The following SCN11A variants were observed in gnomAD, a reference collection of about 807,000 sequenced individuals.
SCN11A encodes the protein sodium voltage-gated channel alpha subunit 11, also known as sodium channel protein type 11 subunit alpha.
SCN11A carries 122 observed loss-of-function variants against 162.2 expected under a neutral mutation model. The observed-to-expected ratio is 0.75, with a 90% confidence interval of 0.65 to 0.87. The LOEUF is 0.87. Ranked by LOEUF, SCN11A falls within the 40% of genes least tolerant of loss-of-function variation. The pLI is 0.00. For synonymous variants in SCN11A, 758 were observed against 751.5 expected, an observed-to-expected ratio of 1.01 and a Z score of -0.14; for missense variants, 2,015 against 2,181.6, an observed-to-expected ratio of 0.92 and a Z score of 1.52.
intron 3 of SCN11A, among the ~76,000 whole-genome samples, chr3:38,958,275 G>A (rs2066706170): frequency 6.8e-6 from 1 of 145,986 alleles, no homozygotes; most frequent in Non-Finnish European, 1.5e-5. Context: ...GGAGAGTGAG[G>A]GCAGGGATTT....
At chr3:38,874,427 G>A (rs1412801315) in intron 23 of SCN11A, among the ~76,000 whole-genome samples, 2 of 152,078 alleles carry the variant, frequency 1.3e-5, no homozygotes, top group Non-Finnish European at 2.9e-5. Context: ...GTAAAACCCT[G>A]TCTCCATAAA....
chr3:39,018,787 C>T (rs1395865784), intron 2 of SCN11A, among the ~76,000 whole-genome samples: 1 of 152,116 alleles, frequency 6.6e-6, no homozygotes, highest in Admixed American at 6.6e-5. Flanking sequence ...CACTGCACTC[C>T]AGCCTGGGTG....
At chr3:38,853,539 G>C (rs1378366755) in intron 28 of SCN11A, among the ~76,000 whole-genome samples, 2 of 152,040 alleles carry the variant, frequency 1.3e-5, no homozygotes, top group African/African-American at 4.8e-5. Context: ...GACTTTTTTA[G>C]TGCATCAAAA....
intron 2 of SCN11A, among the ~76,000 whole-genome samples, chr3:39,017,880 C>G (rs2031340889): frequency 6.6e-6 from 1 of 152,208 alleles, no homozygotes; most frequent in East Asian, 1.9e-4. Context: ...CCTTTGCATG[C>G]CTGGCAATTT....
intron 2 of SCN11A, among the ~76,000 whole-genome samples, chr3:39,018,519 T>TA (rs1243664642): frequency 6.6e-6 from 1 of 152,146 alleles, no homozygotes; most frequent in East Asian, 1.9e-4. Flanking sequence ...TGAGTGTCTT[T>TA]AAAAAATCAT....
Position 38,850,587 on chromosome 3 carries a change from G to A in SCN11A, c.4221C>T (p.Val1407=), listed in dbSNP as rs759734942. The A allele has an allele frequency of 2.5e-6, 4 of 1,613,838 alleles. No homozygotes were observed. Among genetic ancestry groups the A allele is most frequent in the South Asian group, 2.2e-5 (2 of 91,038 alleles). Reference sequence around the variant, plus strand: ...TGATGAGACATTCTAACGTAAAGATGACCACAAAGACCCAGTTGAGATGGT... The same window carrying A: ...TGATGAGACATTCTAACGTAAAGATAACCACAAAGACCCAGTTGAGATGGT... ...ILDHLNWVFV[V]IFTLECLIKI... is the part of the protein sequence containing the mutation. Residue 1407 remains valine (V), a synonymous_variant, in exon 29 of 30, where the codon GTC becomes GTT. Transcript: ENST00000302328.
At chr3:38,970,306 T>C (rs2066809217) in intron 2 of SCN11A, among the ~76,000 whole-genome samples, 1 of 152,166 alleles carries the variant, frequency 6.6e-6, no homozygotes, top group Non-Finnish European at 1.5e-5. Context: ...CCCCCTGTAA[T>C]TTTTTGCATG....
intron 2 of SCN11A, among the ~76,000 whole-genome samples, chr3:38,961,137 C>T (rs756887957): frequency 1.3e-5 from 2 of 152,086 alleles, no homozygotes; most frequent in South Asian, 2.1e-4. Context: ...TAGGTGCTTA[C>T]GGGAGTGCAG....
At chr3:38,950,507 A>G in intron 4 of SCN11A, 138 bp from the exon 5 acceptor site, 1 of 813,376 alleles carries the variant, frequency 1.2e-6, no homozygotes, top group Non-Finnish European at 1.9e-6. Context: ...GGGCCTTGGG[A>G]GCTGATTGGC....
At chr3:38,943,653 T>C (rs2066473005) in intron 7 of SCN11A, among the ~76,000 whole-genome samples, 1 of 152,026 alleles carries the variant, frequency 6.6e-6, no homozygotes, top group African/African-American at 2.4e-5. Context: ...AGAAAAGAAA[T>C]AAAAATGATA....
chr3:39,033,181 A>G (rs952877049), intron 1 of SCN11A, among the ~76,000 whole-genome samples: 3 of 151,028 alleles, frequency 2.0e-5, no homozygotes, highest in Non-Finnish European at 4.4e-5. Context: ...GAGAGAGAGA[A>G]AACTTAATTA....
intron 17 of SCN11A, 78 bp from the exon 18 acceptor site, chr3:38,897,303 A>G (rs897174665): frequency 1.4e-6 from 2 of 1,418,744 alleles, no homozygotes; most frequent in Non-Finnish European, 1.9e-6. Flanking sequence ...TATAAAGCAA[A>G]TGACATATAC....
Position 38,950,263 on chromosome 3 carries a change from G to C in SCN11A, c.100C>G (p.Gln34Glu), listed in dbSNP as rs769965469. ...TCTTTAGACTTCTTTTTCTCCTTTT[G>C]GATGGCAATCCGCTTCTCAATTGCA... The part of the protein sequence containing the change: ...LAAIEKRIAI[Q>E]KEKKKSKDQT... The change falls in exon 5 of 30, where the codon CAA becomes GAA. Residue 34 changes from glutamine (Q) to glutamate (E), a missense_variant. Gln to Glu is a conservative substitution (Grantham distance 29). Transcript: ENST00000302328. 6.2e-7 allele frequency: 1 copy of C among 1,614,022 alleles called. No homozygotes were observed. The highest frequency in any genetic ancestry group is 1.3e-5 in the African/African-American group (1 of 75,000).
chr3:38,963,393 G>T (rs1420739175), intron 2 of SCN11A, among the ~76,000 whole-genome samples: 14 of 56,246 alleles, frequency 2.5e-4, no homozygotes, highest in African/African-American at 4.1e-4. Context: ...ATATGATGGA[G>T]ATATATATAT....
chr3:39,039,756 C>A (rs947980511), intron 1 of SCN11A, among the ~76,000 whole-genome samples: 1 of 151,984 alleles, frequency 6.6e-6, no homozygotes, highest in Non-Finnish European at 1.5e-5. Context: ...TGCATGGGCA[C>A]CCCTAGAGAC....
chr3:38,881,164 G>A (rs1193659289), intron 22 of SCN11A, among the ~76,000 whole-genome samples: 1 of 152,224 alleles, frequency 6.6e-6, no homozygotes, highest in Non-Finnish European at 1.5e-5. Context: ...CAGCTTAGCT[G>A]ATATTTTCTA....
At chr3:38,993,965 T>TA (rs2030532470) in intron 2 of SCN11A, among the ~76,000 whole-genome samples, 2 of 152,334 alleles carry the variant, frequency 1.3e-5, no homozygotes, top group African/African-American at 4.8e-5. Flanking sequence ...TGCAGTCTCT[T>TA]AGAGGGTCCC....
rs115317780 is a variant in SCN11A, at chr3:38,895,471, T to G, written c.2404-507A>C. On this transcript the variant is annotated intron_variant, in intron 18 of 29. Coordinates refer to ENST00000302328, the MANE Select transcript of SCN11A (RefSeq NM_001349253.2). ...ACGTACTGGGGCCAAGCCAAGCGAG[T>G]TGGACCAAATATGCAACTCTTTCGT... Among the ~76,000 whole-genome samples the G allele has an allele frequency of 8.1e-3, 1,231 of 152,296 alleles. 20 individuals are homozygous for G. Among genetic ancestry groups the G allele is most frequent in the African/African-American group, 0.028 (1,150 of 41,558 alleles).
Position 38,910,122 on chromosome 3 carries a change from A to T in SCN11A, c.1045T>A (p.Phe349Ile). 6.2e-7 allele frequency: 1 copy of T among 1,614,042 alleles called. No individual in the cohort carries two copies. Among genetic ancestry groups the T allele is most frequent in the Non-Finnish European group, 8.5e-7 (1 of 1,179,946 alleles). The change falls in exon 12 of 30, where the codon TTT becomes ATT. Residue 349 changes from phenylalanine to isoleucine, a missense_variant. By Grantham distance (21) the Phe-to-Ile change is conservative. Transcript: ENST00000302328. ...GTCATCAGCCGGAACATGGCAAGAA[A>T]AGACCAGCCAAAGTTGTCAAAATTC... The part of the protein sequence containing the change: ...YTNFDNFGWS[F>I]LAMFRLMTQD...
Sources: gnomAD v4.1 joint callset for allele counts (sites outside exome capture counted in the v4.1 genomes callset) on GRCh38, gnomAD v4.1.1 for gene constraint, MANE v1.5 for transcripts, NCBI Gene and HGNC (gene_info 2026-07-23, HGNC 2026-07-21) for gene names.